SLC20A2: variants seen among roughly 807,000 people sequenced by gnomAD.
The protein encoded by SLC20A2 is solute carrier family 20 member 2.
Under a neutral mutation model 61.0 loss-of-function variants are expected in SLC20A2, and 30 were observed. The observed-to-expected ratio is 0.49, with a 90% CI of 0.37 to 0.67. The LOEUF is 0.67. Among genes scored for constraint, SLC20A2 ranks in the 30% least tolerant of loss-of-function variants. The pLI, the probability that SLC20A2 is intolerant of heterozygous loss-of-function variation, is 0.00. For missense variants in SLC20A2, 626 were observed against 866.4 expected (o/e 0.72, Z 3.48); for synonymous variants, 351 against 353.3 (o/e 0.99, Z 0.07).
rs557576151 is a variant in SLC20A2 at position 42,520,008 on chromosome 8, C to CTTTT, written c.-265+21809_-265+21812dup. On this transcript the variant is annotated intron_variant, in intron 1 of 10. Coordinates refer to the SLC20A2 transcript ENST00000342228. ...CAATTTCCCAACTCTTTATGCTAATCTTTTTTTTTTTTTTTTTTTTTTTAA... is the reference window on the plus strand; with the variant it reads ...CAATTTCCCAACTCTTTATGCTAATCTTTTTTTTTTTTTTTTTTTTTTTTTTTAA... 4.7e-4 allele frequency among the ~76,000 whole-genome samples: 48 copies of CTTTT among 102,650 alleles called. 1 individual carries two copies. The highest frequency in any genetic ancestry group is 3.9e-3 in the East Asian group (13 of 3,374). 67.3% of individuals were successfully genotyped at this position (102,650 alleles called of 152,430 possible).
At chr8:42,534,830 T>C (rs1812604340) in intron 1 of SLC20A2, 1 of 152,228 alleles carries the variant, frequency 6.6e-6, no homozygotes, top group Non-Finnish European at 1.5e-5. Flanking sequence ...GGGACCAACA[T>C]CCCAGTGAAC....
At chr8:42,533,130 A>T (rs1812445135) in intron 1 of SLC20A2, among the ~76,000 whole-genome samples, 1 of 152,220 alleles carries the variant, frequency 6.6e-6, no homozygotes, top group Non-Finnish European at 1.5e-5. Context: ...TCATTAAATT[A>T]AAAATATGTT....
intron 1 of SLC20A2, among the ~76,000 whole-genome samples, chr8:42,500,441 A>G (rs1810246957): frequency 6.6e-6 from 1 of 152,226 alleles, no homozygotes; most frequent in Non-Finnish European, 1.5e-5. Context: ...AACTCAGTCT[A>G]AAAGAGGATG....
At chr8:42,438,072 A>AAAAAAAAAAAAAAAAAAAAAAG (rs1804467146) in intron 7 of SLC20A2, among the ~76,000 whole-genome samples, 1 of 145,106 alleles carries the variant, frequency 6.9e-6, no homozygotes, top group Non-Finnish European at 1.5e-5. Flanking sequence ...CCAAAAAAAA[A>AAAAAAAAAAAAAAAAAAAAAAG]AAAAAAAAAA....
intron 4 of SLC20A2, among the ~76,000 whole-genome samples, chr8:42,461,275 A>C (rs568167636): frequency 6.6e-5 from 10 of 152,124 alleles, no homozygotes; most frequent in Non-Finnish European, 1.5e-4. Flanking sequence ...ACGTGAAAAG[A>C]ACCCAGGATG....
At chr8:42,444,452 C>T (rs1198639769) in intron 6 of SLC20A2, among the ~76,000 whole-genome samples, 194 bp downstream of exon 6, 5 of 152,118 alleles carry the variant, frequency 3.3e-5, no homozygotes, top group African/African-American at 7.2e-5. Flanking sequence ...ACCTTGCTGC[C>T]CACCTGGGTT....
chr8:42,527,143 C>T (rs1812019216), intron 1 of SLC20A2, among the ~76,000 whole-genome samples: 1 of 148,842 alleles, frequency 6.7e-6, no homozygotes, highest in African/African-American at 2.5e-5. Context: ...TGGTGGCTCG[C>T]GCCTGTAACC....
intron 5 of SLC20A2, among the ~76,000 whole-genome samples, chr8:42,448,775 T>A (rs748254447): frequency 0.052 from 7,892 of 152,140 alleles, 285 homozygotes; most frequent in Non-Finnish European, 0.086. Context: ...GGGAAGCTGT[T>A]CACAGTAGGT....
chr8:42,498,383 G>A (rs569332292), intron 1 of SLC20A2, among the ~76,000 whole-genome samples: 1 of 152,280 alleles, frequency 6.6e-6, no homozygotes, highest in African/African-American at 2.4e-5. Context: ...AAGCTCAGAG[G>A]AGCTGAATGC....
intron 5 of SLC20A2, among the ~76,000 whole-genome samples, chr8:42,446,605 G>A (rs532854667): frequency 3.3e-5 from 5 of 152,308 alleles, no homozygotes; most frequent in Admixed American, 3.3e-4. Flanking sequence ...GAGTAATGCA[G>A]GCTAGTTGTA....
At chr8:42,429,199 G>A (rs1803656170) in intron 9 of SLC20A2, among the ~76,000 whole-genome samples, 1 of 152,168 alleles carries the variant, frequency 6.6e-6, no homozygotes, top group Non-Finnish European at 1.5e-5. Flanking sequence ...AATTACAAAA[G>A]AGTGTATTTT....
intron 1 of SLC20A2, among the ~76,000 whole-genome samples, chr8:42,483,068 G>A (rs1408546833): frequency 6.6e-6 from 1 of 150,490 alleles, no homozygotes; most frequent in Non-Finnish European, 1.5e-5. Context: ...CAACTGGGCT[G>A]GGCACAGTGG....
chr8:42,464,029 A>G (rs1563487933), intron 3 of SLC20A2, among the ~76,000 whole-genome samples: 1 of 147,070 alleles, frequency 6.8e-6, no homozygotes, highest in Non-Finnish European at 1.5e-5. Context: ...CCTGCCAGGC[A>G]GGCTTACAAG....
intron 1 of SLC20A2, among the ~76,000 whole-genome samples, chr8:42,533,968 T>TC (rs1812543116): frequency 6.6e-6 from 1 of 151,466 alleles, no homozygotes; most frequent in Non-Finnish European, 1.5e-5. Context: ...TCTCCCTCTC[T>TC]TTGTGCTTAC....
At chr8:42,468,927 C>T (rs577586871) in intron 2 of SLC20A2, among the ~76,000 whole-genome samples, 1 of 152,184 alleles carries the variant, frequency 6.6e-6, no homozygotes, top group African/African-American at 2.4e-5. Flanking sequence ...GGACAGACTA[C>T]TGCTTTAGGG....
At chr8:42,445,628 G>A (rs1029523833) in intron 5 of SLC20A2, among the ~76,000 whole-genome samples, 2 of 152,226 alleles carry the variant, frequency 1.3e-5, no homozygotes, top group African/African-American at 4.8e-5. Context: ...TCAGGAGGCT[G>A]AGGCAGGAGA....
intron 8 of SLC20A2, among the ~76,000 whole-genome samples, 182 bp from the exon 9 acceptor site, chr8:42,430,431 C>T (rs926742967): frequency 2.0e-5 from 3 of 151,212 alleles, no homozygotes; most frequent in South Asian, 2.1e-4. Context: ...GGTGTGATCT[C>T]GGCTCACTGC....
intron 1 of SLC20A2, among the ~76,000 whole-genome samples, chr8:42,489,916 T>C (rs985299987): frequency 6.6e-6 from 1 of 152,188 alleles, no homozygotes; most frequent in African/African-American, 2.4e-5. Context: ...CCTGTTTGTG[T>C]TGGTGGTCAC....
At chr8:42,525,522 C>T (rs1003339379) in intron 1 of SLC20A2, among the ~76,000 whole-genome samples, 5 of 133,148 alleles carry the variant, frequency 3.8e-5, no homozygotes, top group Admixed American at 9.0e-5. Flanking sequence ...GTGGAGGTTG[C>T]GATGAGCTGA....
Sources: allele counts gnomAD v4.1 joint callset (sites outside exome capture counted in the v4.1 genomes callset), GRCh38; gene constraint gnomAD v4.1.1; transcripts MANE v1.5; gene names NCBI Gene and HGNC (gene_info 2026-07-23, HGNC 2026-07-21).